The following PTPRM variants were observed in gnomAD, a reference collection of about 807,000 sequenced individuals.
PTPRM encodes protein tyrosine phosphatase receptor type M.
A neutral mutation model predicts 186.7 loss-of-function variants in PTPRM; 47 were observed. That is an observed-to-expected ratio of 0.25 (90% CI 0.20 to 0.32). The LOEUF (loss-of-function observed/expected upper bound fraction) is 0.32, where lower values mean the gene tolerates loss of function less well. PTPRM is among the 10% of genes least tolerant of loss of function. PTPRM has a pLI of 1.00. For missense variants in PTPRM, 1,494 were observed against 1,865.0 expected, an observed-to-expected ratio of 0.80 and a Z score of 3.66; for synonymous variants, 668 against 674.9, an observed-to-expected ratio of 0.99 and a Z score of 0.16.
intron 14 of PTPRM, among the ~76,000 whole-genome samples, chr18:8,198,433 A>G (rs561780255): frequency 4.3e-4 from 65 of 152,278 alleles, no homozygotes; most frequent in African/African-American, 1.5e-3. Flanking sequence ...ACAGGCATGA[A>G]CCATCACACC....
At chr18:7,741,534 A>G (rs1029555613) in intron 1 of PTPRM, 5 of 152,214 alleles carry the variant, frequency 3.3e-5, no homozygotes, top group African/African-American at 1.2e-4. Context: ...TTTGTTGGTC[A>G]CTGATATTTT....
chr18:7,696,754 A>T (rs1477706285), intron 1 of PTPRM, among the ~76,000 whole-genome samples: 2 of 152,222 alleles, frequency 1.3e-5, no homozygotes, highest in African/African-American at 2.4e-5. Flanking sequence ...TCTGCCATAC[A>T]ACTCACGAAC....
chr18:8,328,382 C>G (rs936532158), intron 22 of PTPRM, among the ~76,000 whole-genome samples: 4 of 152,166 alleles, frequency 2.6e-5, no homozygotes, highest in South Asian at 2.1e-4. Flanking sequence ...ATTGAAAGAA[C>G]TTTTTTTTAA....
At chr18:8,136,137 C>T (rs2146005462) in intron 13 of PTPRM, among the ~76,000 whole-genome samples, 1 of 152,340 alleles carries the variant, frequency 6.6e-6, no homozygotes, top group Non-Finnish European at 1.5e-5. Context: ...TGGTTGGAAA[C>T]TTCCATTCTG....
intron 11 of PTPRM, among the ~76,000 whole-genome samples, chr18:8,094,932 G>C (rs1401476169): frequency 6.6e-6 from 1 of 152,134 alleles, no homozygotes; most frequent in African/African-American, 2.4e-5. Flanking sequence ...TCCACTTGTA[G>C]TTACGCCACT....
At position 8,387,238 on chromosome 18, in the gene PTPRM, A is replaced by T. The variant is rs1417460631; in HGVS notation, c.4208+3A>T. 1 of 1,612,678 alleles carries T rather than the reference A, an allele frequency of 6.2e-7. No homozygotes were observed. The highest frequency in any genetic ancestry group is 1.3e-5 in the African/African-American group (1 of 74,886). Reference sequence around the variant, plus strand: ...GGCCGCACGGTTGTGCACTGCTTGTAAGTGCTTGACAGAGCTCTTCATTTC... The same window carrying T: ...GGCCGCACGGTTGTGCACTGCTTGTTAGTGCTTGACAGAGCTCTTCATTTC... On this transcript the variant is annotated splice_donor_region_variant and intron_variant, in intron 31 of 32. Coordinates refer to ENST00000580170, the MANE Select transcript of PTPRM (RefSeq NM_001105244.2).
intron 7 of PTPRM, among the ~76,000 whole-genome samples, chr18:8,064,639 A>G (rs2088911020): frequency 6.6e-6 from 1 of 152,230 alleles, no homozygotes; most frequent in Non-Finnish European, 1.5e-5. Flanking sequence ...CATCACCAGT[A>G]CATAGATGCC....
chr18:7,810,035 A>G (rs1218274350), intron 2 of PTPRM, among the ~76,000 whole-genome samples: 1 of 152,216 alleles, frequency 6.6e-6, no homozygotes, highest in African/African-American at 2.4e-5. Flanking sequence ...GTTTGGAATA[A>G]TAGGAGGCAG....
chr18:8,119,770 C>T (rs931343811), intron 13 of PTPRM, among the ~76,000 whole-genome samples: 4 of 152,036 alleles, frequency 2.6e-5, no homozygotes, highest in Admixed American at 6.6e-5. Flanking sequence ...CAGGAGATCC[C>T]GCTGCACGTA....
intron 1 of PTPRM, among the ~76,000 whole-genome samples, chr18:7,732,649 G>A (rs2040684859): frequency 6.6e-6 from 1 of 151,966 alleles, no homozygotes; most frequent in South Asian, 2.1e-4. Flanking sequence ...TGGAACTACA[G>A]GTATGCACCC....
intron 32 of PTPRM, chr18:8,403,534 A>T (rs1168500793): frequency 6.6e-6 from 1 of 152,188 alleles, no homozygotes; most frequent in East Asian, 1.9e-4. Flanking sequence ...CCACCATTAC[A>T]TGTGTAATAC....
chr18:8,091,155 T>C (rs1417231577), intron 11 of PTPRM, among the ~76,000 whole-genome samples: 1 of 152,194 alleles, frequency 6.6e-6, no homozygotes, highest in African/African-American at 2.4e-5. Context: ...CAGATCCAAA[T>C]GCTTGTCAGA....
chr18:8,357,359 A>G (rs2095568750), intron 23 of PTPRM, among the ~76,000 whole-genome samples: 1 of 152,242 alleles, frequency 6.6e-6, no homozygotes, highest in Non-Finnish European at 1.5e-5. Context: ...TAATCTGACT[A>G]CAGTAAACTA....
intron 20 of PTPRM, among the ~76,000 whole-genome samples, chr18:8,307,522 G>A (rs549611263): frequency 6.6e-6 from 1 of 152,220 alleles, no homozygotes; most frequent in East Asian, 1.9e-4. Context: ...AAGCTATAGA[G>A]GCCAGGCGCG....
chr18:7,855,886 C>T (rs1216605032), intron 2 of PTPRM, among the ~76,000 whole-genome samples: 1 of 152,106 alleles, frequency 6.6e-6, no homozygotes, highest in Non-Finnish European at 1.5e-5. Flanking sequence ...AGGAATGTGG[C>T]TGAAAATAGT....
At chr18:7,749,879 C>T (rs887086998) in intron 1 of PTPRM, among the ~76,000 whole-genome samples, 3 of 152,200 alleles carry the variant, frequency 2.0e-5, no homozygotes, top group Non-Finnish European at 2.9e-5. Flanking sequence ...GACCTGTCTT[C>T]GCTTTGACAA....
chr18:7,995,261 C>T (rs548367097), intron 7 of PTPRM, among the ~76,000 whole-genome samples: 171 of 152,124 alleles, frequency 1.1e-3, no homozygotes, highest in African/African-American at 4.1e-3. Flanking sequence ...CAATAATTAG[C>T]AATGAGATTG....
In PTPRM at chr18:8,244,133, C is replaced by G; in HGVS notation, c.2376C>G (p.Asp792Glu). 2 of 1,610,922 alleles carry G rather than the reference C, an allele frequency of 1.2e-6. No homozygotes were observed. The highest frequency in any genetic ancestry group is 1.7e-6 in the Non-Finnish European group (2 of 1,178,998). ...TGACTGTGATGGTGAACTCAATGGA[C>G]AAGAGCTATGCTGAGCAGGGCACAA... Reference protein sequence around the residue: ...QEMTVMVNSMDKSYAEQGTNC... With the variant: ...QEMTVMVNSMEKSYAEQGTNC... Residue 792 changes from aspartate to glutamate, a missense_variant, in exon 15 of 33, where the codon GAC (aspartate) becomes GAG (glutamate). Physicochemically the swap from Asp to Glu is conservative, Grantham distance 45 (BLOSUM62 2). This residue lies in a region of PTPRM where 1,107 missense variants were observed against 1,350.2 expected (regional missense o/e 0.82). Coordinates refer to ENST00000580170, the MANE Select transcript of PTPRM (RefSeq NM_001105244.2).
intron 7 of PTPRM, among the ~76,000 whole-genome samples, chr18:7,974,594 T>C (rs2054806802): frequency 6.6e-6 from 1 of 152,146 alleles, no homozygotes; most frequent in African/African-American, 2.4e-5. Flanking sequence ...CCCTTTACAG[T>C]TTGTTGTTCA....
Sources: allele counts gnomAD v4.1 joint callset (sites outside exome capture counted in the v4.1 genomes callset), GRCh38; gene constraint gnomAD v4.1.1; regional missense constraint gnomAD v4.1.1; transcripts MANE v1.5; gene names NCBI Gene and HGNC (gene_info 2026-07-23, HGNC 2026-07-21).